The following CNTN5 variants were observed in gnomAD, a reference collection of about 807,000 sequenced individuals.
CNTN5 encodes contactin 5, also known as contactin-5.
In CNTN5, 77 loss-of-function variants were observed where a neutral mutation model predicts 129.1. The ratio of observed to expected loss-of-function variants is 0.60; its 90% CI spans 0.50 to 0.72. The LOEUF (loss-of-function observed/expected upper bound fraction) is 0.72. Ranked by LOEUF, CNTN5 falls within the 30% of genes least tolerant of loss-of-function variation. The pLI, the probability that CNTN5 is intolerant of heterozygous loss-of-function variation, is 0.00. For synonymous variants in CNTN5, 509 were observed against 465.6 expected, an observed-to-expected ratio of 1.09 and a Z score of -1.20; for missense variants, 1,478 against 1,328.8, an observed-to-expected ratio of 1.11 and a Z score of -1.75.
At chr11:100,328,130 C>T (rs1025920764) in intron 21 of CNTN5, among the ~76,000 whole-genome samples, 2 of 151,936 alleles carry the variant, frequency 1.3e-5, no homozygotes, top group Admixed American at 6.6e-5. Flanking sequence ...GCAGTAGGAC[C>T]GTTTAAGGCC....
At chr11:99,640,216 G>A (rs946491557) in intron 3 of CNTN5, among the ~76,000 whole-genome samples, 1 of 152,090 alleles carries the variant, frequency 6.6e-6, no homozygotes, top group Non-Finnish European at 1.5e-5. Context: ...TTGCTTCCAT[G>A]TTTTTGGGTA....
chr11:99,114,440 C>T (rs1857945482), intron 1 of CNTN5, among the ~76,000 whole-genome samples: 1 of 148,120 alleles, frequency 6.8e-6, no homozygotes, highest in African/African-American at 2.5e-5. Context: ...CCTCCTCCCC[C>T]ATCCCATCCC....
chr11:100,182,377 T>C (rs1263626687), intron 13 of CNTN5, among the ~76,000 whole-genome samples: 1 of 152,018 alleles, frequency 6.6e-6, no homozygotes, highest in African/African-American at 2.4e-5. Flanking sequence ...GTGTCCTCAC[T>C]TGTCAGAGAG....
intron 12 of CNTN5, among the ~76,000 whole-genome samples, chr11:100,072,990 C>CAAAAAAAAATAAAAAAAAAAA (rs1943985532): frequency 1.3e-5 from 1 of 79,054 alleles, no homozygotes; most frequent in African/African-American, 6.1e-5. Context: ...TCCCAGGAGG[C>CAAAAAAAAATAAAAAAAAAAA]AAAAAAAAAA....
At position 100,162,355 on chromosome 11, in the gene CNTN5, C is replaced by A. The variant is rs567704292; in HGVS notation, c.1581-28771C>A. 6.6e-5 allele frequency among the ~76,000 whole-genome samples: 10 copies of A among 151,990 alleles called. No homozygotes were observed. The South Asian group carries it at 1.7e-3, about 25-fold the overall frequency. On this transcript the variant is annotated intron_variant, in intron 13 of 24. Coordinates refer to ENST00000524871, the MANE Select transcript of CNTN5 (RefSeq NM_014361.4). ...ATTATACTTTATTCTATTCACTAAA[C>A]AGAACTAACTAGCAATGTTTTGTTA...
chr11:99,250,553 G>C (rs1862044911), intron 1 of CNTN5, among the ~76,000 whole-genome samples: 1 of 151,834 alleles, frequency 6.6e-6, no homozygotes, highest in Non-Finnish European at 1.5e-5. Flanking sequence ...CAAGATATTT[G>C]CTTTTGTATT....
chr11:99,825,003 G>A (rs73557519), intron 4 of CNTN5, among the ~76,000 whole-genome samples: 1 of 151,902 alleles, frequency 6.6e-6, no homozygotes, highest in Non-Finnish European at 1.5e-5. Context: ...TGTTAAGTTG[G>A]TATATAGAGC....
intron 3 of CNTN5, among the ~76,000 whole-genome samples, chr11:99,583,297 C>T (rs1045280952): frequency 6.6e-6 from 1 of 152,230 alleles, no homozygotes; most frequent in African/African-American, 2.4e-5. Flanking sequence ...AGGCTGTCTG[C>T]CCATTCTCAG....
rs533778159 is a variant in CNTN5, at chr11:99,243,741, T to A, written c.-209-81605T>A. 4.5e-3 allele frequency among the ~76,000 whole-genome samples: 679 copies of A among 150,244 alleles called. 6 individuals are homozygous for A. Among genetic ancestry groups the A allele is most frequent in the African/African-American group, 0.014 (574 of 40,768 alleles). On this transcript the variant is annotated intron_variant, in intron 1 of 24. Coordinates refer to ENST00000524871, the MANE Select transcript of CNTN5 (RefSeq NM_014361.4). ...AAGTCCTTTCCCTATTGCTTATTTT[T>A]TTTTTTTTTTTTTGGAGATCAGTTT...
chr11:99,424,066 A>G (rs1009804119), intron 2 of CNTN5, among the ~76,000 whole-genome samples: 1 of 152,156 alleles, frequency 6.6e-6, no homozygotes, highest in Non-Finnish European at 1.5e-5. Context: ...GTTTTTTCCT[A>G]TACGTACATA....
At chr11:99,753,327 T>C (rs933128251) in intron 3 of CNTN5, among the ~76,000 whole-genome samples, 2 of 151,474 alleles carry the variant, frequency 1.3e-5, no homozygotes, top group Non-Finnish European at 2.9e-5. Context: ...TTTCACCGTG[T>C]TAGCCAGGAT....
rs115988264 is a variant in CNTN5 at position 100,082,837 on chromosome 11, C to T, written c.1580+8543C>T. On this transcript the variant is annotated intron_variant, in intron 13 of 24. Coordinates refer to ENST00000524871, the MANE Select transcript of CNTN5 (RefSeq NM_014361.4). The stretch of plus-strand genomic sequence containing the variant: ...CTTTATGCATTTCTCTTTTGCATCA[C>T]TGTGAGGAAATACCTGAGGCATGGT... Among the ~76,000 whole-genome samples, 3 of 152,166 alleles carry T rather than the reference C, an allele frequency of 2.0e-5. No homozygotes were observed. In the East Asian group the frequency reaches 5.8e-4, roughly 30 times the overall value.
At chr11:100,021,842 C>T (rs1472548692) in intron 9 of CNTN5, among the ~76,000 whole-genome samples, 1 of 152,118 alleles carries the variant, frequency 6.6e-6, no homozygotes, top group Non-Finnish European at 1.5e-5. Flanking sequence ...CCCAAGAGCC[C>T]CTGGCAAACC....
intron 1 of CNTN5, among the ~76,000 whole-genome samples, chr11:99,033,638 A>C (rs2135102350): frequency 6.6e-6 from 1 of 150,918 alleles, no homozygotes; most frequent in Middle Eastern, 3.4e-3. Context: ...GACTTTGCTG[A>C]AGTTGCTTAT....
chr11:99,756,649 G>A (rs1386932691), intron 3 of CNTN5, among the ~76,000 whole-genome samples: 1 of 152,030 alleles, frequency 6.6e-6, no homozygotes. Context: ...AGATGCTTAG[G>A]TAAATTTTAG....
chr11:100,019,217 C>G (rs532603284), intron 9 of CNTN5, among the ~76,000 whole-genome samples: 2 of 151,904 alleles, frequency 1.3e-5, no homozygotes, highest in South Asian at 4.1e-4. Context: ...ATATATTTGC[C>G]TAAACCAAGG....
At chr11:99,367,388 C>G (rs1237357552) in intron 2 of CNTN5, among the ~76,000 whole-genome samples, 1 of 151,980 alleles carries the variant, frequency 6.6e-6, no homozygotes, top group Non-Finnish European at 1.5e-5. Context: ...GTAATTATAG[C>G]TTTGCCTGGC....
rs139425383 is a variant in CNTN5 at position 99,519,528 on chromosome 11, C to G, written c.-70-36617C>G. ...ATATTTGTCAAATACATTTATGTAT[C>G]ATTCACCAAAATGTTAGATAATAAT... On this transcript the variant is annotated intron_variant, in intron 2 of 24. Transcript: ENST00000524871. 1.1e-3 allele frequency among the ~76,000 whole-genome samples: 162 copies of G among 152,132 alleles called. 5 individuals are homozygous for G. In the East Asian group the frequency reaches 0.027, roughly 25 times the overall value.
At chr11:99,485,323 A>G (rs879544578) in intron 2 of CNTN5, among the ~76,000 whole-genome samples, 3 of 152,026 alleles carry the variant, frequency 2.0e-5, no homozygotes, top group Non-Finnish European at 2.9e-5. Context: ...TTTTAGGGGA[A>G]TAGAACTATT....
Sources: allele counts gnomAD v4.1 joint callset (sites outside exome capture counted in the v4.1 genomes callset), GRCh38; gene constraint gnomAD v4.1.1; transcripts MANE v1.5; gene names NCBI Gene and HGNC (gene_info 2026-07-23, HGNC 2026-07-21).